FAM193B: variants seen among roughly 807,000 people sequenced by gnomAD.
FAM193B encodes the protein protein FAM193B.
In FAM193B, 27 loss-of-function variants were observed where a neutral mutation model predicts 70.7. The ratio of observed to expected loss-of-function variants is 0.38; its 90% CI spans 0.28 to 0.53. The LOEUF (loss-of-function observed/expected upper bound fraction) is 0.53, where lower values mean the gene tolerates loss of function less well. Among genes scored for constraint, FAM193B ranks in the 20% least tolerant of loss-of-function variants. The probability of loss-of-function intolerance (pLI) is 0.81; values close to 1 mark genes in which losing one functional copy is unlikely to be tolerated. For synonymous variants in FAM193B, 448 were observed against 436.0 expected (o/e 1.03, Z -0.34); for missense variants, 1,022 against 1,072.5 (o/e 0.95, Z 0.66).
intron 4 of FAM193B, among the ~76,000 whole-genome samples, chr5:177,534,958 A>G (rs1017935777): frequency 3.9e-5 from 6 of 152,226 alleles, no homozygotes; most frequent in Non-Finnish European, 8.8e-5. Flanking sequence ...GTGCTTGTGA[A>G]TATGGGAAAC....
intron 7 of FAM193B, chr5:177,523,236 G>A (rs1397981197): frequency 5.4e-6 from 2 of 371,010 alleles, no homozygotes; most frequent in African/African-American, 2.1e-5. Flanking sequence ...CTGATCTCAG[G>A]TGATCCACCC....
In FAM193B at chr5:177,538,051, C is replaced by T. The variant is rs777556434; in HGVS notation, c.510G>A (p.Ser170=). ...KSQSCGDDSH[S]SSSSSSSSSS... is the part of the protein sequence containing the mutation. ...AGGATGATGAGGAGGAAGACGAGGA[C>T]GAATGAGAGTCATCTCCACAAGACT... is the stretch of plus-strand genomic sequence containing the variant. Residue 170 remains serine, a synonymous_variant, in exon 3 of 9, where the codon TCG becomes TCA. Transcript: ENST00000514747. The surrounding 1 kb of genome is among the most constrained non-coding windows in gnomAD (Gnocchi z 4.1). The T allele has an allele frequency of 4.8e-5, 74 of 1,552,578 alleles. No homozygotes were observed. The highest frequency in any genetic ancestry group is 7.3e-5 in the East Asian group (3 of 40,978).
rs1365197320 is a variant in FAM193B, at chr5:177,532,257, T to G, written c.1275+186A>C. 2.7e-6 allele frequency: 4 copies of G among 1,489,934 alleles called. No homozygotes were observed. The African/African-American group carries it at 4.2e-5, about 16-fold the overall frequency. 92.3% of individuals were successfully genotyped at this position (1,489,934 alleles called of 1,614,324 possible). ...CATGAGAAGAGCAAAGGTAGCAAAA[T>G]GTTTAAAAACCCCTACCTCACAAAT... On this transcript the variant is annotated intron_variant, in intron 5 of 8. Coordinates refer to ENST00000514747, the MANE Select transcript of FAM193B (RefSeq NM_001190946.3). This position sits in a 1 kb window ranked among gnomAD's most constrained non-coding sequence, Gnocchi z 4.9.
intron 1 of FAM193B, chr5:177,553,545 C>A: frequency 8.8e-7 from 1 of 1,135,616 alleles, no homozygotes; most frequent in Non-Finnish European, 1.1e-6. Context: ...TTCCAGGTGG[C>A]AAGCTGGAAG....
chr5:177,547,621 G>A (rs1225304428), intron 1 of FAM193B, among the ~76,000 whole-genome samples: 1 of 152,140 alleles, frequency 6.6e-6, no homozygotes, highest in Non-Finnish European at 1.5e-5. Context: ...AGAAGGACTA[G>A]ACAAGTGACT....
chr5:177,530,565 C>A (rs1489695000), intron 5 of FAM193B, among the ~76,000 whole-genome samples: 1 of 152,218 alleles, frequency 6.6e-6, no homozygotes, highest in Non-Finnish European at 1.5e-5. Context: ...AACTCGAGGT[C>A]TTCCTGCCTG....
In FAM193B at chr5:177,536,732, G is replaced by A. The variant is rs192939781; in HGVS notation, c.702C>T (p.Pro234=). The A allele has an allele frequency of 2.2e-5, 34 of 1,556,986 alleles. No individual in the cohort carries two copies. The highest frequency in any genetic ancestry group is 4.6e-4 in the Middle Eastern group (2 of 4,376). The part of the protein sequence containing the change: ...SPPTIPGEAF[P]VSEHHQHSDL... ...CTGAGTGCTGGTGGTGCTCCGAGACGGGGAAAGCCTCACCTGTGGGCAGAG... is the reference window on the plus strand; with the variant it reads ...CTGAGTGCTGGTGGTGCTCCGAGACAGGGAAAGCCTCACCTGTGGGCAGAG... The change falls in exon 4 of 9, where the codon CCC becomes CCT. Residue 234 remains proline (P), a synonymous_variant. Transcript: ENST00000514747.
At chr5:177,529,050 C>G (rs1763059926) in intron 5 of FAM193B, among the ~76,000 whole-genome samples, 1 of 152,054 alleles carries the variant, frequency 6.6e-6, no homozygotes, top group Admixed American at 6.5e-5. Context: ...TTACTCCATT[C>G]AAGTGAGTGA....
chr5:177,547,286 C>CTTTCTTT (rs71585641), intron 1 of FAM193B: 1 of 89,414 alleles, frequency 1.1e-5, no homozygotes, highest in Non-Finnish European at 2.0e-5. Flanking sequence ...AAATTTATTT[C>CTTTCTTT]TTTTTTTTTT....
intron 8 of FAM193B, 140 bp from the exon 9 acceptor site, chr5:177,520,321 G>A (rs1387660061): frequency 6.6e-6 from 1 of 152,258 alleles, no homozygotes; most frequent in Non-Finnish European, 1.5e-5. Context: ...AAATGTTGAA[G>A]ATTCCCTGGA....
Position 177,538,403 on chromosome 5 carries a change from G to A in FAM193B, c.454-296C>T, listed in dbSNP as rs1283601275. The stretch of plus-strand genomic sequence containing the variant: ...GGGGAGTAGAGAGCGGCCAATGACA[G>A]GAAGGGCCTTTTGACCAGGAGTCCT... On this transcript the variant is annotated intron_variant, in intron 2 of 8. Transcript: ENST00000514747. The surrounding 1 kb of genome is among the most constrained non-coding windows in gnomAD (Gnocchi z 4.1). Among the ~76,000 whole-genome samples the A allele has an allele frequency of 6.6e-6, 1 of 152,144 alleles. No homozygotes were observed. The highest frequency in any genetic ancestry group is 1.5e-5 in the Non-Finnish European group (1 of 68,038).
intron 5 of FAM193B, chr5:177,531,543 T>A: frequency 7.8e-7 from 1 of 1,275,404 alleles, no homozygotes; most frequent in Non-Finnish European, 1.0e-6. Context: ...GGGGAGGTGC[T>A]GACATTACAC....
chr5:177,525,025 T>C lies in FAM193B; in HGVS notation c.1456A>G (p.Ile486Val). The C allele has an allele frequency of 6.4e-7, 1 of 1,565,732 alleles. No individual in the cohort carries two copies. The highest frequency in any genetic ancestry group is 8.6e-7 in the Non-Finnish European group (1 of 1,158,560). ...QEIKNTVKDS[I>V]RASFSVCELS... is the part of the protein sequence containing the mutation. ...TCACACACACTGAAGCTGGCACGGA[T>C]GGAGTCTTTGACAGTGTTTTTGATC... is the stretch of plus-strand genomic sequence containing the variant. Residue 486 changes from isoleucine to valine, a missense_variant, in exon 6 of 9, where the codon ATC (isoleucine) becomes GTC (valine). By Grantham distance (29) the Ile-to-Val change is conservative. Transcript: ENST00000514747.
intron 1 of FAM193B, chr5:177,553,907 C>A (rs1238269048): frequency 3.3e-6 from 4 of 1,217,524 alleles, no homozygotes; most frequent in Non-Finnish European, 4.2e-6. Context: ...GCAGGTGGGC[C>A]CGGGGGAGGT....
chr5:177,524,108 T>C (rs1342735034), intron 6 of FAM193B, 76 bp from the exon 7 acceptor site: 3 of 1,611,280 alleles, frequency 1.9e-6, no homozygotes, highest in Non-Finnish European at 2.5e-6. Flanking sequence ...CAGCGCTGTC[T>C]ACACACAAAG....
intron 8 of FAM193B, among the ~76,000 whole-genome samples, chr5:177,521,292 T>C (rs1761694001): frequency 6.6e-6 from 1 of 152,234 alleles, no homozygotes; most frequent in African/African-American, 2.4e-5. Context: ...TCCAGTTGTC[T>C]GTTCCCAGTC....
At chr5:177,526,906 C>G (rs141858000) in intron 5 of FAM193B, among the ~76,000 whole-genome samples, 3 of 152,244 alleles carry the variant, frequency 2.0e-5, no homozygotes, top group African/African-American at 7.2e-5. Context: ...GTGAGACATT[C>G]TCTGCCTCGC....
At chr5:177,550,690 G>A (rs1766098367) in intron 1 of FAM193B, among the ~76,000 whole-genome samples, 1 of 152,204 alleles carries the variant, frequency 6.6e-6, no homozygotes, top group South Asian at 2.1e-4. Flanking sequence ...TGGTCCAAGA[G>A]AGATGAAAGA....
rs1762329193 is a variant in FAM193B, at chr5:177,524,757, G to A, written c.1724C>T (p.Pro575Leu). The change falls in exon 6 of 9, where the codon CCC becomes CTC. Residue 575 changes from proline to leucine, a missense_variant. Physicochemically the swap from Pro to Leu is moderately conservative, Grantham distance 98. Transcript: ENST00000514747. ...PPWTEVRGPP[P>L]GIVPENGLVR... ...GAGCCCGTTCTCGGGGACGATACCG[G>A]GAGGGGGCCCCCTCACCTCTGTCCA... 6.5e-7 allele frequency: 1 copy of A among 1,532,666 alleles called. No individual in the cohort carries two copies. Among genetic ancestry groups the A allele is most frequent in the East Asian group, 2.3e-5 (1 of 44,148 alleles). 94.9% of individuals were successfully genotyped at this position (1,532,666 alleles called of 1,614,324 possible). A position where few individuals can be genotyped will look rare whatever the true frequency, so the allele number is the denominator to read the frequency against.
Sources: allele counts gnomAD v4.1 joint callset (sites outside exome capture counted in the v4.1 genomes callset), GRCh38; gene constraint gnomAD v4.1.1; non-coding constraint Gnocchi (gnomAD v3.1); transcripts MANE v1.5; gene names NCBI Gene and HGNC (gene_info 2026-07-23, HGNC 2026-07-21).